The following MCTP2 variants were observed in gnomAD, a reference collection of about 807,000 sequenced individuals.
MCTP2 encodes the protein multiple C2 and transmembrane domain containing 2, also known as multiple C2 and transmembrane domain-containing protein 2.
MCTP2 carries 132 observed loss-of-function variants against 111.6 expected under a neutral mutation model. The ratio of observed to expected loss-of-function variants is 1.18; its 90% CI spans 1.03 to 1.37. MCTP2 has a LOEUF of 1.37. Ranked by LOEUF, MCTP2 falls within the 40% of genes most tolerant of loss-of-function variation. MCTP2 has a pLI of 0.00. For synonymous variants in MCTP2, 395 were observed against 387.7 expected (o/e 1.02, Z -0.22); for missense variants, 1,183 against 1,067.9 (o/e 1.11, Z -1.50).
chr15:94,344,317 T>C (rs2077839834), intron 7 of MCTP2, among the ~76,000 whole-genome samples: 1 of 152,204 alleles, frequency 6.6e-6, no homozygotes, highest in South Asian at 2.1e-4. Context: ...GTCATTTACC[T>C]AAAGGTATTT....
At chr15:94,454,014 A>C (rs113765087) in intron 19 of MCTP2, among the ~76,000 whole-genome samples, 1,737 of 152,318 alleles carry the variant, frequency 0.011, 33 homozygotes, top group African/African-American at 0.039. Context: ...TCAAGATTTC[A>C]TCGTACATAT....
intron 12 of MCTP2, among the ~76,000 whole-genome samples, chr15:94,379,731 GTAATA>G (rs368385030): frequency 0.012 from 1,645 of 142,128 alleles, 29 homozygotes; most frequent in African/African-American, 0.04. Context: ...TATATAATGT[GTAATA>G]TAATATATGA....
chr15:94,314,129 G>A (rs931427346), intron 2 of MCTP2, among the ~76,000 whole-genome samples, 153 bp from the exon 3 acceptor site: 64 of 152,218 alleles, frequency 4.2e-4, no homozygotes, highest in African/African-American at 2.4e-4. Flanking sequence ...CTGCATCCAC[G>A]TCTCCTTGCC....
At chr15:94,468,925 G>A (rs543145221) in intron 20 of MCTP2, among the ~76,000 whole-genome samples, 1 of 152,236 alleles carries the variant, frequency 6.6e-6, no homozygotes, top group South Asian at 2.1e-4. Context: ...ACCATGCCCA[G>A]CCTCAGTCTT....
rs183185784 is a variant in MCTP2 at position 94,375,239 on chromosome 15, G to A, written c.1582+5059G>A. Among the ~76,000 whole-genome samples, 3 of 152,204 alleles carry A rather than the reference G, an allele frequency of 2.0e-5. No individual in the cohort carries two copies. In the East Asian group the frequency reaches 5.8e-4, roughly 29 times the overall value. ...ACTCTATCAGGAGATAGCACCAAGA[G>A]GATAGCGCTAAACCATTCATGAAGG... is the stretch of plus-strand genomic sequence containing the variant. On this transcript the variant is annotated intron_variant, in intron 12 of 22. Transcript: ENST00000357742.
chr15:94,464,012 G>A (rs1373802625), intron 20 of MCTP2, among the ~76,000 whole-genome samples: 1 of 151,276 alleles, frequency 6.6e-6, no homozygotes, highest in Non-Finnish European at 1.5e-5. Context: ...ATGATCATCA[G>A]TGAGATTGAC....
chr15:94,313,407 T>C (rs1012541519), intron 2 of MCTP2, among the ~76,000 whole-genome samples: 12 of 152,020 alleles, frequency 7.9e-5, no homozygotes, highest in African/African-American at 2.9e-4. Flanking sequence ...CATTTTAAAA[T>C]TGGGAAACAT....
chr15:94,355,862 C>A, intron 8 of MCTP2: 1 of 986,136 alleles, frequency 1.0e-6, no homozygotes, highest in Non-Finnish European at 1.2e-6. Context: ...AGGAGTCCCA[C>A]CAAAGAGCGC....
At position 94,483,941 on chromosome 15, in the gene MCTP2, C is replaced by CTT. The variant is rs1265732485; in HGVS notation, c.*4907_*4908insTT. Reference sequence around the variant, plus strand: ...AGTTGAAAAATTAAAATAAAAATTGCCTGAAAATGCATTGAGTAGTAACTG... The same window carrying CTT: ...AGTTGAAAAATTAAAATAAAAATTGCTTCTGAAAATGCATTGAGTAGTAACTG... On this transcript the variant is annotated 3_prime_UTR_variant, in exon 23 of 23. Coordinates refer to ENST00000357742, the MANE Select transcript of MCTP2 (RefSeq NM_001385001.1). The CTT allele has an allele frequency of 0.012, 1,779 of 152,170 alleles. 37 individuals are homozygous for CTT. The highest frequency in any genetic ancestry group is 0.04 in the African/African-American group (1,660 of 41,510). The allele number at this position is 152,170 out of a possible 1,614,324, so 9.4% of individuals were successfully genotyped here. A position where few individuals can be genotyped will look rare whatever the true frequency, so the allele number is the denominator to read the frequency against.
intron 3 of MCTP2, chr15:94,314,848 G>A: frequency 4.5e-6 from 2 of 447,594 alleles, no homozygotes; most frequent in South Asian, 3.2e-5. Flanking sequence ...AGGAGGAAGT[G>A]ACTGAGTTGC....
chr15:94,275,015 T>C (rs2074113673), intron 1 of MCTP2, among the ~76,000 whole-genome samples: 1 of 152,222 alleles, frequency 6.6e-6, no homozygotes, highest in South Asian at 2.1e-4. Flanking sequence ...GAGTAAATAC[T>C]TGCAGATCAG....
chr15:94,449,041 A>C (rs1244903586), intron 19 of MCTP2, among the ~76,000 whole-genome samples: 1 of 152,202 alleles, frequency 6.6e-6, no homozygotes, highest in Non-Finnish European at 1.5e-5. Flanking sequence ...TCCATCTCAA[A>C]ATAAATAAAT....
chr15:94,471,344 GA>G (rs2073911999), intron 21 of MCTP2, among the ~76,000 whole-genome samples: 2 of 152,214 alleles, frequency 1.3e-5, no homozygotes, highest in Admixed American at 1.3e-4. Flanking sequence ...AGACTGTGTT[GA>G]GACGCATTCA....
intron 17 of MCTP2, among the ~76,000 whole-genome samples, chr15:94,425,126 A>G (rs145380022): frequency 6.6e-6 from 1 of 152,288 alleles, no homozygotes; most frequent in East Asian, 1.9e-4. Flanking sequence ...TAAATTTTAA[A>G]TTACATCTTT....
intron 1 of MCTP2, among the ~76,000 whole-genome samples, chr15:94,233,321 A>C (rs556035616): frequency 6.6e-6 from 1 of 152,170 alleles, no homozygotes; most frequent in East Asian, 1.9e-4. Flanking sequence ...TAAAAGATAA[A>C]ATTTATTATG....
intron 1 of MCTP2, among the ~76,000 whole-genome samples, chr15:94,282,004 A>C (rs2074513022): frequency 1.3e-5 from 2 of 152,172 alleles, no homozygotes; most frequent in South Asian, 4.1e-4. Flanking sequence ...AAGAATCTGA[A>C]GACTCTATAC....
At chr15:94,345,496 C>G (rs1049438345) in intron 8 of MCTP2, among the ~76,000 whole-genome samples, 97 of 152,264 alleles carry the variant, frequency 6.4e-4, no homozygotes, top group African/African-American at 2.0e-3. Flanking sequence ...GAGATGGAAA[C>G]TAGCATTGGT....
intron 19 of MCTP2, among the ~76,000 whole-genome samples, chr15:94,454,996 A>C (rs1044734595): frequency 6.6e-6 from 1 of 152,064 alleles, no homozygotes; most frequent in Non-Finnish European, 1.5e-5. Flanking sequence ...AATGTTTTGT[A>C]TTTTTAGTAG....
intron 1 of MCTP2, among the ~76,000 whole-genome samples, chr15:94,264,210 T>A (rs2073370223): frequency 6.6e-6 from 1 of 152,216 alleles, no homozygotes; most frequent in Non-Finnish European, 1.5e-5. Context: ...AAGTGGGCTC[T>A]GGTTTCAGAT....
Sources: gnomAD v4.1 joint callset for allele counts (sites outside exome capture counted in the v4.1 genomes callset) on GRCh38, gnomAD v4.1.1 for gene constraint, MANE v1.5 for transcripts, NCBI Gene and HGNC (gene_info 2026-07-23, HGNC 2026-07-21) for gene names.